Variants in KIRREL3 observed in about 807,000 individuals in gnomAD.
KIRREL3 encodes kin of IRRE-like protein 3.
A neutral mutation model predicts 89.7 loss-of-function variants in KIRREL3; 36 were observed. The ratio of observed to expected loss-of-function variants is 0.40; its 90% CI spans 0.31 to 0.53. The LOEUF (loss-of-function observed/expected upper bound fraction) is 0.53, where lower values mean the gene tolerates loss of function less well. Ranked by LOEUF, KIRREL3 falls within the 20% of genes least tolerant of loss-of-function variation. The probability of loss-of-function intolerance (pLI) is 0.49; values close to 1 mark genes in which losing one functional copy is unlikely to be tolerated. For missense variants in KIRREL3, 864 were observed against 1,056.6 expected, an observed-to-expected ratio of 0.82 and a Z score of 2.53; for synonymous variants, 445 against 441.4, an observed-to-expected ratio of 1.01 and a Z score of -0.10.
At position 126,474,561 on chromosome 11, in the gene KIRREL3, G is replaced by A. The variant is rs374095292; in HGVS notation, c.434-1095C>T. ...CCTGAGCTCCTCACTCCTCCAGAGCGGCTCCAGCCCCTTCATCCCCAGAGG... is the reference window on the plus strand; with the variant it reads ...CCTGAGCTCCTCACTCCTCCAGAGCAGCTCCAGCCCCTTCATCCCCAGAGG... On this transcript the variant is annotated intron_variant, in intron 4 of 16. Transcript: ENST00000525144. The surrounding 1 kb of genome is among the most constrained non-coding windows in gnomAD (Gnocchi z 6.7). Among the ~76,000 whole-genome samples the A allele has an allele frequency of 1.3e-5, 2 of 152,318 alleles. No homozygotes were observed. The highest frequency in any genetic ancestry group is 4.8e-5 in the African/African-American group (2 of 41,588).
rs1376536222 is a variant in KIRREL3 at position 126,432,678 on chromosome 11, GT to G, written c.1589-1153del. On this transcript the variant is annotated intron_variant, in intron 13 of 16. Coordinates refer to ENST00000525144, the MANE Select transcript of KIRREL3 (RefSeq NM_032531.4). This position sits in a 1 kb window ranked among gnomAD's most constrained non-coding sequence, Gnocchi z 6.2. ...ACCGCCCAGACTGCTGCTGCTCCGA[GT>G]CCTGGCTCCATCCCTTCTGCTGAGC... Among the ~76,000 whole-genome samples the G allele has an allele frequency of 6.6e-6, 1 of 151,972 alleles. No individual in the cohort carries two copies. The highest frequency in any genetic ancestry group is 6.6e-5 in the Admixed American group (1 of 15,260).
intron 1 of KIRREL3, among the ~76,000 whole-genome samples, chr11:126,654,356 T>C (rs2155163): frequency 0.3 from 42,521 of 141,964 alleles, 6,192 homozygotes; most frequent in East Asian, 0.43. Context: ...TTTTTTTTTT[T>C]CACAGCATAT....
intron 1 of KIRREL3, among the ~76,000 whole-genome samples, chr11:126,998,671 A>T (rs1164759747): frequency 6.6e-6 from 1 of 152,212 alleles, no homozygotes; most frequent in East Asian, 1.9e-4. Flanking sequence ...ACAACAGAAG[A>T]TGTACACTGT....
At position 126,830,214 on chromosome 11, in the gene KIRREL3, A is replaced by G. The variant is rs989121516; in HGVS notation, c.55+170241T>C. On this transcript the variant is annotated intron_variant, in intron 1 of 16. Transcript: ENST00000525144. This position sits in a 1 kb window ranked among gnomAD's most constrained non-coding sequence, Gnocchi z 4.9. ...TCTGGTCAATATTTATCATAGGTAC[A>G]TTTTACAAGATGAATTCTGTCACCA... 6.6e-6 allele frequency among the ~76,000 whole-genome samples: 1 copy of G among 152,154 alleles called. No homozygotes were observed. The highest frequency in any genetic ancestry group is 2.4e-5 in the African/African-American group (1 of 41,450).
Position 126,768,232 on chromosome 11 carries a change from G to A in KIRREL3, c.56-205320C>T, listed in dbSNP as rs964876905. 7.5e-6 allele frequency among the ~76,000 whole-genome samples: 1 copy of A among 132,624 alleles called. No homozygotes were observed. Among genetic ancestry groups the A allele is most frequent in the Non-Finnish European group, 1.6e-5 (1 of 62,992 alleles). The allele number at this position is 132,624 out of a possible 152,430, so 87.0% of individuals were successfully genotyped here. A position where few individuals can be genotyped will look rare whatever the true frequency, so the allele number is the denominator to read the frequency against. On this transcript the variant is annotated intron_variant, in intron 1 of 16. Transcript: ENST00000525144. This position sits in a 1 kb window ranked among gnomAD's most constrained non-coding sequence, Gnocchi z 4.5. ...ATCCATCCATCCATCCATTCAATCT[G>A]TCCATCTGTCCATCCATACATGCAT...
chr11:126,988,785 G>A (rs1435076384), intron 1 of KIRREL3, among the ~76,000 whole-genome samples: 1 of 152,214 alleles, frequency 6.6e-6, no homozygotes, highest in Non-Finnish European at 1.5e-5. Flanking sequence ...GCAAAACTCA[G>A]CAGTGGGCCT....
In KIRREL3 at chr11:126,742,304, TATTATCAAAGCAAAACTGGGGGTTGGGA is replaced by T. The variant is rs1047515385; in HGVS notation, c.56-179420_56-179393del. On this transcript the variant is annotated intron_variant, in intron 1 of 16. Coordinates refer to ENST00000525144, the MANE Select transcript of KIRREL3 (RefSeq NM_032531.4). The surrounding 1 kb of genome is among the most constrained non-coding windows in gnomAD (Gnocchi z 5.3). ...TGTCTGTCTGTATGCAAGGGAAGTT[TATTATCAAAGCAAAACTGGGGGTTGGGA>T]GAAGTGTGGTATTCTTAGGATAGTG... is the stretch of plus-strand genomic sequence containing the variant. Among the ~76,000 whole-genome samples the T allele has an allele frequency of 1.3e-5, 2 of 152,224 alleles. No homozygotes were observed. Among genetic ancestry groups the T allele is most frequent in the African/African-American group, 4.8e-5 (2 of 41,460 alleles).
intron 5 of KIRREL3, among the ~76,000 whole-genome samples, chr11:126,467,032 G>A (rs1437291569): frequency 6.6e-6 from 1 of 152,250 alleles, no homozygotes; most frequent in Non-Finnish European, 1.5e-5. Flanking sequence ...TGTGTGTGCA[G>A]ATATGGGCCA....
In KIRREL3 at chr11:126,897,656, G is replaced by A. The variant is rs1159194167; in HGVS notation, c.55+102799C>T. On this transcript the variant is annotated intron_variant, in intron 1 of 16. Transcript: ENST00000525144. The surrounding 1 kb of genome is among the most constrained non-coding windows in gnomAD (Gnocchi z 4.2). ...ACATCAAAAATACATTTGCAGCAAA[G>A]CTTATTTTCTGAAGATAGATAATTT... Among the ~76,000 whole-genome samples, 1 of 152,162 alleles carries A rather than the reference G, an allele frequency of 6.6e-6. No individual in the cohort carries two copies. Among genetic ancestry groups the A allele is most frequent in the East Asian group, 1.9e-4 (1 of 5,192 alleles).
intron 1 of KIRREL3, among the ~76,000 whole-genome samples, chr11:126,882,042 G>T (rs769875844): frequency 1.3e-5 from 2 of 152,012 alleles, no homozygotes; most frequent in African/African-American, 2.4e-5. Flanking sequence ...CCCTAAATAG[G>T]CCCCTGATTG....
rs777213477 is a variant in KIRREL3 at position 126,563,021 on chromosome 11, CT to C, written c.56-110del. On this transcript the variant is annotated intron_variant, in intron 1 of 16. Coordinates refer to ENST00000525144, the MANE Select transcript of KIRREL3 (RefSeq NM_032531.4). This position sits in a 1 kb window ranked among gnomAD's most constrained non-coding sequence, Gnocchi z 6.8. ...CTTGTTGCTCTTATAAACAGAGGTG[CT>C]TTTGTTTAGCCAACATTTATATGGA... 3.0e-6 allele frequency: 2 copies of C among 668,104 alleles called. No individual in the cohort carries two copies. Among genetic ancestry groups the C allele is most frequent in the Non-Finnish European group, 5.1e-6 (2 of 396,012 alleles). 41.4% of individuals were successfully genotyped at this position (668,104 alleles called of 1,614,324 possible).
rs897653559 is a variant in KIRREL3, at chr11:126,808,033, T to C, written c.55+192422A>G. ...ACTGGATAAATGGGGAAAGAATGAA[T>C]GTCTGAACTAGTGTGGATTAGGAGG... is the stretch of plus-strand genomic sequence containing the variant. On this transcript the variant is annotated intron_variant, in intron 1 of 16. Coordinates refer to ENST00000525144, the MANE Select transcript of KIRREL3 (RefSeq NM_032531.4). This position sits in a 1 kb window ranked among gnomAD's most constrained non-coding sequence, Gnocchi z 4.1. 9.9e-5 allele frequency among the ~76,000 whole-genome samples: 15 copies of C among 152,192 alleles called. No individual in the cohort carries two copies. The highest frequency in any genetic ancestry group is 2.6e-4 in the Admixed American group (4 of 15,274).
chr11:126,660,185 T>C (rs1374998087), intron 1 of KIRREL3, among the ~76,000 whole-genome samples: 1 of 151,860 alleles, frequency 6.6e-6, no homozygotes, highest in African/African-American at 2.4e-5. Context: ...ACAGGACTAC[T>C]GAAATAGAGC....
At position 126,978,434 on chromosome 11, in the gene KIRREL3, T is replaced by C. The variant is rs1949638195; in HGVS notation, c.55+22021A>G. Among the ~76,000 whole-genome samples the C allele has an allele frequency of 6.6e-6, 1 of 152,184 alleles. No homozygotes were observed. Among genetic ancestry groups the C allele is most frequent in the Non-Finnish European group, 1.5e-5 (1 of 68,022 alleles). The stretch of plus-strand genomic sequence containing the variant: ...CCAACCCCTGGCAGCAATTATGTCC[T>C]AAAGGAAAGTCCCCTGGTAACCTCA... On this transcript the variant is annotated intron_variant, in intron 1 of 16. Coordinates refer to ENST00000525144, the MANE Select transcript of KIRREL3 (RefSeq NM_032531.4). The surrounding 1 kb of genome is among the most constrained non-coding windows in gnomAD (Gnocchi z 4.2).
At chr11:126,461,498 C>G (rs1200015569) in intron 6 of KIRREL3, among the ~76,000 whole-genome samples, 1 of 152,104 alleles carries the variant, frequency 6.6e-6, no homozygotes, top group Non-Finnish European at 1.5e-5. Flanking sequence ...CTCCTTGGTA[C>G]AGGGGTATGT....
At chr11:126,436,310 G>A (rs1266251215) in intron 12 of KIRREL3, among the ~76,000 whole-genome samples, 1 of 152,238 alleles carries the variant, frequency 6.6e-6, no homozygotes, top group African/African-American at 2.4e-5. Flanking sequence ...CTTTAGCCTG[G>A]GTGCCCTCTG....
rs1945139540 is a variant in KIRREL3, at chr11:126,656,387, T to C, written c.56-93475A>G. 6.6e-6 allele frequency among the ~76,000 whole-genome samples: 1 copy of C among 152,234 alleles called. No homozygotes were observed. The highest frequency in any genetic ancestry group is 2.1e-4 in the South Asian group (1 of 4,834). ...CAAAATTATAATTGTTTTGTATGTT[T>C]TGGCAAGAAAATAGAATAATATTAT... On this transcript the variant is annotated intron_variant, in intron 1 of 16. Transcript: ENST00000525144. The surrounding 1 kb of genome is among the most constrained non-coding windows in gnomAD (Gnocchi z 4.0).
rs183549224 is a variant in KIRREL3 at position 126,981,979 on chromosome 11, C to G, written c.55+18476G>C. ...CAGATAGAACAAATGCAAATATATA[C>G]AAATTCATCCATATGAAGAAATAAA... On this transcript the variant is annotated intron_variant, in intron 1 of 16. Transcript: ENST00000525144. The surrounding 1 kb of genome is among the most constrained non-coding windows in gnomAD (Gnocchi z 4.2). 6.6e-6 allele frequency among the ~76,000 whole-genome samples: 1 copy of G among 152,138 alleles called. No individual in the cohort carries two copies. Among genetic ancestry groups the G allele is most frequent in the East Asian group, 1.9e-4 (1 of 5,188 alleles).
At chr11:126,974,137 A>T (rs1949505502) in intron 1 of KIRREL3, among the ~76,000 whole-genome samples, 1 of 152,146 alleles carries the variant, frequency 6.6e-6, no homozygotes, top group Admixed American at 6.5e-5. Context: ...CTCCACAAGT[A>T]AAACATTTAA....
Sources: gnomAD v4.1 joint callset for allele counts (sites outside exome capture counted in the v4.1 genomes callset) on GRCh38, gnomAD v4.1.1 for gene constraint, Gnocchi (gnomAD v3.1) non-coding constraint, MANE v1.5 for transcripts, NCBI Gene and HGNC (gene_info 2026-07-23, HGNC 2026-07-21) for gene names.